The following EPC1 variants were observed in gnomAD, a reference collection of about 807,000 sequenced individuals.
The protein encoded by EPC1 is enhancer of polycomb 1.
Under a neutral mutation model 98.4 loss-of-function variants are expected in EPC1, and 12 were observed. The ratio of observed to expected loss-of-function variants is 0.12; its 90% confidence interval spans 0.08 to 0.20. EPC1 has a LOEUF of 0.20. Ranked by LOEUF, EPC1 falls within the 10% of genes least tolerant of loss-of-function variation. The pLI is 1.00. For missense variants in EPC1, 729 were observed against 990.5 expected, an observed-to-expected ratio of 0.74 and a Z score of 3.54; for synonymous variants, 357 against 363.9, an observed-to-expected ratio of 0.98 and a Z score of 0.21.
chr10:32,314,730 A>AT lies in EPC1; in HGVS notation c.154-8800dup, dbSNP rs564025799. 4.7e-3 allele frequency among the ~76,000 whole-genome samples: 711 copies of AT among 152,320 alleles called. 7 individuals are homozygous for AT. The highest frequency in any genetic ancestry group is 0.017 in the Middle Eastern group (5 of 294). ...TCACTAATGTTAAGAAGCCAGAAAT[A>AT]TTTTTTATTAAATAAGAGTGACATT... On this transcript the variant is annotated intron_variant, in intron 1 of 13. Transcript: ENST00000319778.
At chr10:32,290,682 A>G (rs1463192230) in intron 6 of EPC1, among the ~76,000 whole-genome samples, 1 of 151,902 alleles carries the variant, frequency 6.6e-6, no homozygotes, top group Non-Finnish European at 1.5e-5. Flanking sequence ...GAGAAACAAA[A>G]ATAAAATTTT....
At chr10:32,334,471 AAAT>A (rs1344773478) in intron 1 of EPC1, among the ~76,000 whole-genome samples, 22 of 152,084 alleles carry the variant, frequency 1.4e-4, no homozygotes, top group Admixed American at 4.6e-4. Flanking sequence ...AAAAAAAAAA[AAAT>A]CACACTTTAT....
At chr10:32,375,454 A>G (rs1839852053) in intron 1 of EPC1, among the ~76,000 whole-genome samples, 1 of 152,094 alleles carries the variant, frequency 6.6e-6, no homozygotes, top group Non-Finnish European at 1.5e-5. Flanking sequence ...TTAATAAATT[A>G]GGAAATTGTG....
rs1835691191 is a variant in EPC1 at position 32,268,601 on chromosome 10, AG to A, written c.*461del. 2 of 152,814 alleles carry A rather than the reference AG, an allele frequency of 1.3e-5. No individual in the cohort carries two copies. Among genetic ancestry groups the A allele is most frequent in the Admixed American group, 1.3e-4 (2 of 15,342 alleles). 9.5% of individuals were successfully genotyped at this position (152,814 alleles called of 1,614,324 possible). ...CTACCTAACACATTTACTACAGCACAGGAACCAATGAAGGTACAGTGTACAA... is the reference window on the plus strand; with the variant it reads ...CTACCTAACACATTTACTACAGCACAGAACCAATGAAGGTACAGTGTACAA... On this transcript the variant is annotated 3_prime_UTR_variant, in exon 14 of 14. Coordinates refer to ENST00000319778, the MANE Select transcript of EPC1 (RefSeq NM_001272004.3).
intron 1 of EPC1, among the ~76,000 whole-genome samples, chr10:32,359,692 A>G (rs1326576980): frequency 6.6e-6 from 1 of 152,250 alleles, no homozygotes; most frequent in Non-Finnish European, 1.5e-5. Context: ...TCATATGTAC[A>G]GTATACAACA....
At chr10:32,311,787 T>C (rs955434953) in intron 1 of EPC1, among the ~76,000 whole-genome samples, 2 of 152,200 alleles carry the variant, frequency 1.3e-5, no homozygotes, top group African/African-American at 4.8e-5. Context: ...AACAATATAC[T>C]GTGACAGGTT....
Position 32,272,084 on chromosome 10 carries a change from G to C in EPC1, c.1947C>G (p.Phe649Leu). 1 of 1,613,994 alleles carries C rather than the reference G, an allele frequency of 6.2e-7. No individual in the cohort carries two copies. The highest frequency in any genetic ancestry group is 8.5e-7 in the Non-Finnish European group (1 of 1,180,002). ...CAAGCACCACATCATCCTTCATCTT[G>C]AATCCCATCAGTTGTTCTGATGTCA... ...ALVTSEQLMG[F>L]KMKDDVVLGI... Residue 649 changes from phenylalanine (F) to leucine (L), a missense_variant, in exon 12 of 14, where the codon TTC becomes TTG. By Grantham distance (22) the Phe-to-Leu change is conservative. Transcript: ENST00000319778.
intron 1 of EPC1, among the ~76,000 whole-genome samples, chr10:32,321,320 G>T (rs192445487): frequency 2.6e-4 from 40 of 152,080 alleles, no homozygotes; most frequent in African/African-American, 9.6e-4. Context: ...GATTCTTTAC[G>T]GGAAAAGTTT....
chr10:32,275,851 C>T (rs1258632438), intron 10 of EPC1, among the ~76,000 whole-genome samples: 1 of 151,286 alleles, frequency 6.6e-6, no homozygotes, highest in Non-Finnish European at 1.5e-5. Context: ...GCAGGAGAAT[C>T]GCTTGAACCC....
chr10:32,280,779 GCTATA>G (rs1449106653), intron 10 of EPC1, among the ~76,000 whole-genome samples: 2 of 152,006 alleles, frequency 1.3e-5, no homozygotes, highest in African/African-American at 2.4e-5. Context: ...ATCAGAAATG[GCTATA>G]CTATAACTCG....
upstream of EPC1, among the ~76,000 whole-genome samples, chr10:32,348,388 A>G (rs1838994744): frequency 6.6e-6 from 1 of 152,156 alleles, no homozygotes. Context: ...ACAAGATACA[A>G]AAAGATACAA....
chr10:32,276,809 G>A (rs1836125430), intron 10 of EPC1, among the ~76,000 whole-genome samples: 1 of 152,204 alleles, frequency 6.6e-6, no homozygotes, highest in Non-Finnish European at 1.5e-5. Context: ...TGAATGGATT[G>A]AGATATCAAG....
chr10:32,364,003 T>C (rs974952125), intron 1 of EPC1, among the ~76,000 whole-genome samples: 17,387 of 71,468 alleles, frequency 0.24, 6,912 homozygotes, highest in South Asian at 0.36. Context: ...CATGTTGGCA[T>C]TTTTTTTTTT....
At chr10:32,338,154 C>A (rs1838092864) in intron 1 of EPC1, among the ~76,000 whole-genome samples, 1 of 152,192 alleles carries the variant, frequency 6.6e-6, no homozygotes, top group Admixed American at 6.5e-5. Context: ...ACAAGTCCAT[C>A]CCTTCTACAT....
exon 1 of EPC1, chr10:32,378,552 T>C (rs1422151384): frequency 2.9e-6 from 4 of 1,376,740 alleles, no homozygotes; most frequent in Admixed American, 2.1e-5. Flanking sequence ...ATAGGCTGGA[T>C]ACTTGTGTCC....
chr10:32,306,147 A>G (rs945730218), intron 1 of EPC1, among the ~76,000 whole-genome samples: 1 of 152,254 alleles, frequency 6.6e-6, no homozygotes, highest in Non-Finnish European at 1.5e-5. Context: ...TATTTCCTCA[A>G]TATAGCAAAA....
At chr10:32,288,058 C>T (rs981454285) in intron 6 of EPC1, among the ~76,000 whole-genome samples, 3 of 152,226 alleles carry the variant, frequency 2.0e-5, no homozygotes, top group Admixed American at 1.3e-4. Flanking sequence ...AAAAAGATCA[C>T]GGCAAATACC....
intron 1 of EPC1, among the ~76,000 whole-genome samples, chr10:32,364,991 C>G (rs947691327): frequency 6.6e-6 from 1 of 151,098 alleles, no homozygotes; most frequent in Non-Finnish European, 1.5e-5. Flanking sequence ...CAATGTGGCC[C>G]AGGGAAGCCA....
intron 1 of EPC1, among the ~76,000 whole-genome samples, chr10:32,365,473 C>T (rs1336997670): frequency 6.6e-6 from 1 of 152,056 alleles, no homozygotes; most frequent in Non-Finnish European, 1.5e-5. Context: ...CAATAACAGT[C>T]GCACTCTAAC....
Sources: allele counts gnomAD v4.1 joint callset (sites outside exome capture counted in the v4.1 genomes callset), GRCh38; gene constraint gnomAD v4.1.1; transcripts MANE v1.5; gene names NCBI Gene and HGNC (gene_info 2026-07-23, HGNC 2026-07-21).